Variants in SGMS1 observed in about 807,000 individuals in gnomAD.
SGMS1 encodes the protein sphingomyelin synthase 1.
SGMS1 carries 13 observed loss-of-function variants against 46.2 expected under a neutral mutation model. The ratio of observed to expected loss-of-function variants is 0.28; its 90% CI spans 0.18 to 0.45. SGMS1 has a LOEUF of 0.45. SGMS1 is among the 20% of genes least tolerant of loss of function. The pLI, the probability that SGMS1 is intolerant of heterozygous loss-of-function variation, is 1.00. For missense variants in SGMS1, 324 were observed against 519.9 expected (o/e 0.62, Z 3.66); for synonymous variants, 203 against 187.8 (o/e 1.08, Z -0.66).
chr10:50,390,967 G>A (rs1415114878), intron 6 of SGMS1, among the ~76,000 whole-genome samples: 1 of 152,118 alleles, frequency 6.6e-6, no homozygotes, highest in Non-Finnish European at 1.5e-5. Context: ...GCGGAGAGAG[G>A]GTAATGTCAG....
chr10:50,582,428 C>A (rs947263267), intron 2 of SGMS1, among the ~76,000 whole-genome samples: 2 of 152,168 alleles, frequency 1.3e-5, no homozygotes, highest in African/African-American at 4.8e-5. Context: ...AACTGGCTGG[C>A]GGTCGTGAGA....
At chr10:50,490,540 C>T (rs557414589) in intron 3 of SGMS1, among the ~76,000 whole-genome samples, 1 of 152,290 alleles carries the variant, frequency 6.6e-6, no homozygotes, top group East Asian at 1.9e-4. Flanking sequence ...TATGGTTTCT[C>T]GTTAGCTCTG....
intron 3 of SGMS1, among the ~76,000 whole-genome samples, chr10:50,497,728 AG>A (rs1318640428): frequency 6.6e-6 from 1 of 152,074 alleles, no homozygotes; most frequent in Non-Finnish European, 1.5e-5. Flanking sequence ...TGGGAGGCGG[AG>A]GTTGCAGTGA....
chr10:50,354,427 T>C (rs7908163), intron 6 of SGMS1, among the ~76,000 whole-genome samples: 25,128 of 152,088 alleles, frequency 0.17, 2,386 homozygotes, highest in Admixed American at 0.24. Context: ...TTAAACCTTA[T>C]ACAAAAATTA....
intron 2 of SGMS1, among the ~76,000 whole-genome samples, chr10:50,574,225 G>A (rs1838360503): frequency 6.6e-6 from 1 of 151,898 alleles, no homozygotes; most frequent in African/African-American, 2.4e-5. Flanking sequence ...ATGGAATGGG[G>A]GAAATATTTG....
rs1286373685 is a variant in SGMS1 at position 50,590,166 on chromosome 10, G to T, written c.-602C>A. 3 of 152,264 alleles carry T rather than the reference G, an allele frequency of 2.0e-5. No individual in the cohort carries two copies. Among genetic ancestry groups the T allele is most frequent in the Non-Finnish European group, 2.9e-5 (2 of 68,032 alleles). 9.4% of individuals were successfully genotyped at this position (152,264 alleles called of 1,614,324 possible). On this transcript the variant is annotated 5_prime_UTR_variant, in exon 2 of 11. Coordinates refer to ENST00000361781, the MANE Select transcript of SGMS1 (RefSeq NM_147156.4). ...ATATTTACTTACCTTTCAAATGATG[G>T]CTGTCTTCTTTCTCCTGATCAAAAA...
At chr10:50,393,398 C>T (rs1237486284) in intron 6 of SGMS1, among the ~76,000 whole-genome samples, 1 of 152,154 alleles carries the variant, frequency 6.6e-6, no homozygotes, top group Non-Finnish European at 1.5e-5. Flanking sequence ...GAATGACTCA[C>T]ATTAGACCGA....
In SGMS1 at chr10:50,307,373, T is replaced by A. The variant is rs776739792; in HGVS notation, c.1063-52A>T. 23 of 1,542,738 alleles carry A rather than the reference T, an allele frequency of 1.5e-5. No individual in the cohort carries two copies. The highest frequency in any genetic ancestry group is 1.9e-5 in the Non-Finnish European group (22 of 1,130,790). ...ATTTCTTACAATCTTTCACTTTAAGTTCAAATACTTGCCACGCTAAAATTC... is the reference window on the plus strand; with the variant it reads ...ATTTCTTACAATCTTTCACTTTAAGATCAAATACTTGCCACGCTAAAATTC... On this transcript the variant is annotated intron_variant, in intron 10 of 10. Coordinates refer to ENST00000361781, the MANE Select transcript of SGMS1 (RefSeq NM_147156.4). This position sits in a 1 kb window ranked among gnomAD's most constrained non-coding sequence, Gnocchi z 4.2.
At chr10:50,563,549 C>T (rs1276738979) in intron 2 of SGMS1, among the ~76,000 whole-genome samples, 2 of 151,320 alleles carry the variant, frequency 1.3e-5, no homozygotes, top group Non-Finnish European at 2.9e-5. Flanking sequence ...CGAGACCATC[C>T]CGGCTAAAAC....
intron 3 of SGMS1, among the ~76,000 whole-genome samples, chr10:50,502,664 A>C (rs1837671560): frequency 6.6e-6 from 1 of 152,236 alleles, no homozygotes; most frequent in Admixed American, 6.5e-5. Context: ...AATATTAGGG[A>C]AAAAAGAAGA....
intron 2 of SGMS1, among the ~76,000 whole-genome samples, chr10:50,528,457 A>C (rs1588865839): frequency 6.6e-6 from 1 of 152,246 alleles, no homozygotes; most frequent in East Asian, 1.9e-4. Context: ...AATACACAGC[A>C]GGGACTATTC....
chr10:50,523,399 A>T (rs1837873185), intron 2 of SGMS1, among the ~76,000 whole-genome samples: 1 of 152,222 alleles, frequency 6.6e-6, no homozygotes, highest in Non-Finnish European at 1.5e-5. Context: ...TAAGCACAAC[A>T]CTGTAGCAAG....
intron 7 of SGMS1, chr10:50,335,800 T>A (rs1847706328): frequency 6.6e-6 from 1 of 152,196 alleles, no homozygotes; most frequent in Admixed American, 6.5e-5. Flanking sequence ...CAGAAAAATA[T>A]CAAAAGTTAT....
intron 5 of SGMS1, among the ~76,000 whole-genome samples, chr10:50,457,136 A>G (rs574463813): frequency 4.9e-4 from 75 of 152,362 alleles, no homozygotes; most frequent in Middle Eastern, 3.4e-3. Flanking sequence ...GGGAATACTT[A>G]TAGCCACTAA....
chr10:50,593,623 T>C (rs908286854), intron 1 of SGMS1, among the ~76,000 whole-genome samples: 3 of 152,178 alleles, frequency 2.0e-5, no homozygotes, highest in Non-Finnish European at 4.4e-5. Context: ...CAATCATTCC[T>C]TGGCTCCTCT....
intron 3 of SGMS1, among the ~76,000 whole-genome samples, chr10:50,483,410 T>C (rs1837494055): frequency 1.3e-5 from 2 of 152,132 alleles, no homozygotes; most frequent in South Asian, 2.1e-4. Flanking sequence ...TAAAGACCTA[T>C]AAAGAGACTT....
chr10:50,619,432 T>C (rs967216947), intron 1 of SGMS1, among the ~76,000 whole-genome samples: 3 of 152,344 alleles, frequency 2.0e-5, no homozygotes, highest in East Asian at 1.9e-4. Context: ...GAACCACTTA[T>C]GTAAATCAAA....
chr10:50,337,251 C>T (rs1202071408), intron 7 of SGMS1, among the ~76,000 whole-genome samples: 1 of 152,142 alleles, frequency 6.6e-6, no homozygotes, highest in East Asian at 1.9e-4. Context: ...AACTGTTCTG[C>T]TCGCTGCTAT....
At chr10:50,592,685 T>C (rs1838553334) in intron 1 of SGMS1, among the ~76,000 whole-genome samples, 1 of 152,162 alleles carries the variant, frequency 6.6e-6, no homozygotes, top group Non-Finnish European at 1.5e-5. Context: ...AGGTACGTTC[T>C]TGTCAGGCAA....
Sources: gnomAD v4.1 joint callset for allele counts (sites outside exome capture counted in the v4.1 genomes callset) on GRCh38, gnomAD v4.1.1 for gene constraint, Gnocchi (gnomAD v3.1) non-coding constraint, MANE v1.5 for transcripts, NCBI Gene and HGNC (gene_info 2026-07-23, HGNC 2026-07-21) for gene names.